The following RIPOR3 variants were observed in gnomAD, a reference collection of about 807,000 sequenced individuals.
The protein encoded by RIPOR3 is RIPOR family member 3.
RIPOR3 carries 95 observed loss-of-function variants against 114.3 expected under a neutral mutation model. The observed-to-expected ratio is 0.83, with a 90% CI of 0.70 to 0.99. The LOEUF (loss-of-function observed/expected upper bound fraction) is 0.99, where lower values mean the gene tolerates loss of function less well. Among genes scored for constraint, RIPOR3 ranks in the 50% least tolerant of loss-of-function variants. RIPOR3 has a pLI of 0.00. For missense variants in RIPOR3, 1,252 were observed against 1,266.9 expected (o/e 0.99, Z 0.18); for synonymous variants, 575 against 543.8 (o/e 1.06, Z -0.80).
chr20:50,620,266 C>A, intron 2 of RIPOR3, 134 bp from the exon 3 acceptor site: 1 of 1,025,540 alleles, frequency 9.8e-7, no homozygotes, highest in Non-Finnish European at 1.4e-6. Flanking sequence ...ACCCCCATCA[C>A]CACCAAGCAG....
intron 1 of RIPOR3, among the ~76,000 whole-genome samples, chr20:50,675,217 C>A (rs1427455669): frequency 6.6e-6 from 1 of 152,196 alleles, no homozygotes; most frequent in Admixed American, 6.5e-5. Context: ...GGGAAAGTGG[C>A]CCTGCTGACA....
intron 17 of RIPOR3, among the ~76,000 whole-genome samples, chr20:50,594,331 G>T (rs1034511103): frequency 6.6e-6 from 1 of 151,832 alleles, no homozygotes; most frequent in Non-Finnish European, 1.5e-5. Context: ...GCAGCTTCAG[G>T]GCTCCACAGA....
In RIPOR3 at chr20:50,595,392, C is replaced by G; in HGVS notation, c.2027G>C (p.Gly676Ala). ...TLSVLDFEKVGKATSIEEIIP... is the reference protein window; with the variant it reads ...TLSVLDFEKVAKATSIEEIIP... ...ACTCTCTTCAATGGATGTTGCCTTG[C>G]CGACCTTCTCAAAGTCAAGGACAGA... Residue 676 changes from glycine to alanine, a missense_variant, in exon 16 of 22, where the codon GGC (glycine) becomes GCC (alanine). Coordinates refer to ENST00000327979, the MANE Select transcript of RIPOR3 (RefSeq NM_001290268.2). The G allele has an allele frequency of 6.2e-7, 1 of 1,614,078 alleles. No individual in the cohort carries two copies. Among genetic ancestry groups the G allele is most frequent in the Non-Finnish European group, 8.5e-7 (1 of 1,179,980 alleles).
intron 1 of RIPOR3, among the ~76,000 whole-genome samples, chr20:50,635,367 G>A (rs1372238734): frequency 6.6e-6 from 1 of 152,148 alleles, no homozygotes; most frequent in Non-Finnish European, 1.5e-5. Flanking sequence ...GGAAACCGAG[G>A]CTCATGCCAG....
intron 1 of RIPOR3, among the ~76,000 whole-genome samples, chr20:50,638,296 A>G (rs569118481): frequency 2.6e-5 from 4 of 152,324 alleles, no homozygotes; most frequent in South Asian, 4.1e-4. Context: ...CTGTCCCAGG[A>G]CTGCAGGCAA....
At chr20:50,598,627 G>A (rs139868641) in intron 13 of RIPOR3, among the ~76,000 whole-genome samples, 1 of 152,270 alleles carries the variant, frequency 6.6e-6, no homozygotes, top group East Asian at 1.9e-4. Flanking sequence ...CATGCATGTA[G>A]ACTGCTGATT....
intron 6 of RIPOR3, among the ~76,000 whole-genome samples, 158 bp from the exon 7 acceptor site, chr20:50,609,880 G>T (rs2083887205): frequency 6.6e-6 from 1 of 152,058 alleles, no homozygotes; most frequent in African/African-American, 2.4e-5. Flanking sequence ...CCCATTCAAA[G>T]CAGTCACCCC....
At chr20:50,648,762 G>A (rs890699553) in intron 1 of RIPOR3, among the ~76,000 whole-genome samples, 1 of 151,910 alleles carries the variant, frequency 6.6e-6, no homozygotes, top group African/African-American at 2.4e-5. Flanking sequence ...GAGATCCCTC[G>A]CATGCGTAGT....
chr20:50,659,078 C>T (rs897104159), intron 1 of RIPOR3, among the ~76,000 whole-genome samples: 1 of 152,024 alleles, frequency 6.6e-6, no homozygotes, highest in Admixed American at 6.6e-5. Context: ...TCTTCCAGAC[C>T]GATTAGTGAC....
intron 16 of RIPOR3, 33 bp downstream of exon 16, chr20:50,595,336 T>C (rs1263082005): frequency 1.2e-6 from 2 of 1,605,082 alleles, no homozygotes; most frequent in African/African-American, 1.3e-5. Flanking sequence ...GCCGCTCACA[T>C]AGGCAGCCCC....
At chr20:50,683,222 C>T (rs2086914550) in intron 1 of RIPOR3, among the ~76,000 whole-genome samples, 1 of 152,174 alleles carries the variant, frequency 6.6e-6, no homozygotes. Context: ...AAGATAGCAG[C>T]TACTACCACA....
chr20:50,632,834 C>T (rs1053818926), intron 1 of RIPOR3, among the ~76,000 whole-genome samples: 25 of 152,296 alleles, frequency 1.6e-4, no homozygotes, highest in African/African-American at 5.5e-4. Context: ...GGTTTAGAAC[C>T]CGAGGATGCC....
rs1392337272 is a variant in RIPOR3 at position 50,587,844 on chromosome 20, C to T, written c.2710G>A (p.Glu904Lys). The change falls in exon 21 of 22, where the codon GAG becomes AAG. Residue 904 changes from glutamate to lysine, a missense_variant. Glu to Lys is a moderately conservative substitution (Grantham distance 56). Coordinates refer to ENST00000327979, the MANE Select transcript of RIPOR3 (RefSeq NM_001290268.2). ...QTASLCQSDL[E>K]AVRAAARETT... is the part of the protein sequence containing the mutation. ...TCCCGGGCTGCCGCCCGCACGGCCT[C>T]CAGGTCAGACTGGCACAGGCTGGCA... 71 of 1,614,072 alleles carry T rather than the reference C, an allele frequency of 4.4e-5. No homozygotes were observed. The East Asian group carries it at 1.6e-3, about 36-fold the overall frequency.
chr20:50,650,417 C>T (rs1015822849), intron 1 of RIPOR3, among the ~76,000 whole-genome samples: 9 of 152,142 alleles, frequency 5.9e-5, no homozygotes, highest in Non-Finnish European at 7.3e-5. Context: ...ATCCTCCCAC[C>T]TCAGCCTCCT....
intron 19 of RIPOR3, among the ~76,000 whole-genome samples, chr20:50,591,070 G>A (rs1204082103): frequency 6.6e-6 from 1 of 152,092 alleles, no homozygotes; most frequent in Non-Finnish European, 1.5e-5. Context: ...GATAGTCTAG[G>A]TCAACCTGGG....
chr20:50,665,068 T>C (rs1175621721), intron 1 of RIPOR3, among the ~76,000 whole-genome samples: 1 of 151,828 alleles, frequency 6.6e-6, no homozygotes, highest in Non-Finnish European at 1.5e-5. Flanking sequence ...TGCCACTGCA[T>C]TCCAGCCTGG....
At chr20:50,600,128 C>T (rs1172644869) in intron 13 of RIPOR3, among the ~76,000 whole-genome samples, 1 of 152,176 alleles carries the variant, frequency 6.6e-6, no homozygotes, top group Non-Finnish European at 1.5e-5. Flanking sequence ...CTGTTGAACT[C>T]GTAGCCTCAA....
chr20:50,673,291 G>C (rs2086583419), intron 1 of RIPOR3, among the ~76,000 whole-genome samples: 1 of 152,280 alleles, frequency 6.6e-6, no homozygotes, highest in African/African-American at 2.4e-5. Context: ...GCCCTGTAAT[G>C]GTCCCTACGT....
intron 15 of RIPOR3, among the ~76,000 whole-genome samples, chr20:50,595,733 T>C (rs1024825997): frequency 2.0e-5 from 3 of 152,184 alleles, no homozygotes; most frequent in Non-Finnish European, 4.4e-5. Flanking sequence ...TGCCTGAAAG[T>C]GAAGCCAACC....
Sources: gnomAD v4.1 joint callset for allele counts (sites outside exome capture counted in the v4.1 genomes callset) on GRCh38, gnomAD v4.1.1 for gene constraint, MANE v1.5 for transcripts, NCBI Gene and HGNC (gene_info 2026-07-23, HGNC 2026-07-21) for gene names.